PTPRB: variants seen among roughly 807,000 people sequenced by gnomAD.
PTPRB encodes the protein protein tyrosine phosphatase receptor type B, also known as receptor-type tyrosine-protein phosphatase beta.
PTPRB carries 97 observed loss-of-function variants against 238.1 expected under a neutral mutation model. The ratio of observed to expected loss-of-function variants is 0.41; its 90% confidence interval spans 0.35 to 0.48. The LOEUF (loss-of-function observed/expected upper bound fraction) is 0.48. Among genes scored for constraint, PTPRB ranks in the 20% least tolerant of loss-of-function variants. The probability of loss-of-function intolerance (pLI) is 0.30; values close to 1 mark genes in which losing one functional copy is unlikely to be tolerated. For synonymous variants in PTPRB, 970 were observed against 995.4 expected (o/e 0.97, Z 0.48); for missense variants, 2,292 against 2,681.9 (o/e 0.85, Z 3.21).
At chr12:70,602,085 G>A (rs554513601) in intron 4 of PTPRB, among the ~76,000 whole-genome samples, 14 of 152,154 alleles carry the variant, frequency 9.2e-5, no homozygotes, top group African/African-American at 1.7e-4. Flanking sequence ...GTGAGCCACC[G>A]CATCTAGCTG....
At chr12:70,634,788 T>C (rs541693877) in intron 2 of PTPRB, among the ~76,000 whole-genome samples, 1 of 152,230 alleles carries the variant, frequency 6.6e-6, no homozygotes. Flanking sequence ...GAAAAATTTG[T>C]CTTCTTAGTG....
At chr12:70,619,085 A>G (rs1050894500) in intron 3 of PTPRB, among the ~76,000 whole-genome samples, 1 of 151,876 alleles carries the variant, frequency 6.6e-6, no homozygotes, top group African/African-American at 2.4e-5. Context: ...ATTTCAAATC[A>G]TGTCCTCCTT....
At chr12:70,589,883 A>T in intron 8 of PTPRB, 81 bp downstream of exon 8, 1 of 1,341,500 alleles carries the variant, frequency 7.5e-7, no homozygotes, top group Non-Finnish European at 1.0e-6. Flanking sequence ...TGATATTAGC[A>T]GTTACGGCAG....
Position 70,592,402 on chromosome 12 carries a change from A to G in PTPRB, c.1660T>C (p.Leu554=). The G allele has an allele frequency of 1.9e-6, 3 of 1,613,874 alleles. No individual in the cohort carries two copies. The highest frequency in any genetic ancestry group is 2.5e-6 in the Non-Finnish European group (3 of 1,179,796). The change falls in exon 7 of 34, where the codon TTA becomes CTA. Residue 554 remains leucine (L), a synonymous_variant. Transcript: ENST00000334414. Reference sequence around the variant, plus strand: ...TGAGTTTCAGTAATCCAAGGTGCTAATACTCTGGATTCCTTGATGGTCCCT... The same window carrying G: ...TGAGTTTCAGTAATCCAAGGTGCTAGTACTCTGGATTCCTTGATGGTCCCT... ...HKGTIKESRV[L]APWITETHFK... is the part of the protein sequence containing the mutation.
At chr12:70,571,706 G>T in intron 12 of PTPRB, 118 bp downstream of exon 12, 1 of 1,156,532 alleles carries the variant, frequency 8.6e-7, no homozygotes, top group Non-Finnish European at 1.2e-6. Context: ...AGCACCAAGT[G>T]AGACTTACTG....
chr12:70,556,592 A>G (rs570538392), intron 18 of PTPRB, among the ~76,000 whole-genome samples: 16 of 152,346 alleles, frequency 1.1e-4, no homozygotes, highest in Admixed American at 5.2e-4. Context: ...AACAGAAGAA[A>G]TATCTGAAAC....
At chr12:70,558,610 T>A (rs1878047043) in intron 18 of PTPRB, among the ~76,000 whole-genome samples, 1 of 152,194 alleles carries the variant, frequency 6.6e-6, no homozygotes. Flanking sequence ...CGAAGTATTT[T>A]TATCTCAGGG....
At chr12:70,615,316 A>G (rs1884628428) in intron 3 of PTPRB, among the ~76,000 whole-genome samples, 1 of 152,116 alleles carries the variant, frequency 6.6e-6, no homozygotes, top group African/African-American at 2.4e-5. Context: ...ACCCAAAGAC[A>G]TTTAACAGCT....
Position 70,627,030 on chromosome 12 carries a change from A to T in PTPRB, c.452-4384T>A, listed in dbSNP as rs537597131. On this transcript the variant is annotated intron_variant, in intron 2 of 33. Transcript: ENST00000334414. ...TAAAACACTAAAGCATAGCACAGGG[A>T]ATAAATTAGACTAAAAAAATAATTG... 7.9e-5 allele frequency among the ~76,000 whole-genome samples: 12 copies of T among 152,194 alleles called. No individual in the cohort carries two copies. The South Asian group carries it at 2.5e-3, about 32-fold the overall frequency.
chr12:70,593,053 AATTG>A (rs1882646243), intron 6 of PTPRB, among the ~76,000 whole-genome samples: 1 of 149,394 alleles, frequency 6.7e-6, no homozygotes, highest in Admixed American at 6.7e-5. Context: ...TAGATCGATC[AATTG>A]ATTGATTACA....
At chr12:70,630,473 G>A (rs1379482562) in intron 2 of PTPRB, among the ~76,000 whole-genome samples, 1 of 152,126 alleles carries the variant, frequency 6.6e-6, no homozygotes, top group Non-Finnish European at 1.5e-5. Flanking sequence ...TACTGAATGG[G>A]CAAAAACTGG....
At chr12:70,596,395 C>T in intron 4 of PTPRB, 68 bp from the exon 5 acceptor site, 1 of 1,300,122 alleles carries the variant, frequency 7.7e-7, no homozygotes, top group East Asian at 2.8e-5. Context: ...AAGAACATGG[C>T]TTGAAGACTT....
intron 13 of PTPRB, 157 bp downstream of exon 13, chr12:70,570,869 C>T (rs753188450): frequency 2.5e-5 from 20 of 803,392 alleles, no homozygotes; most frequent in Non-Finnish European, 3.5e-5. Flanking sequence ...TTCATTCATC[C>T]AGGTTGGACA....
At chr12:70,529,276 T>G (rs1321068514) in intron 32 of PTPRB, among the ~76,000 whole-genome samples, 3 of 152,174 alleles carry the variant, frequency 2.0e-5, no homozygotes, top group Non-Finnish European at 4.4e-5. Flanking sequence ...GCCAGTGATA[T>G]TGACAGTAGA....
In PTPRB at chr12:70,519,276, T is replaced by C. The variant is rs961505974; in HGVS notation, c.*2213A>G. The C allele has an allele frequency of 6.6e-6, 1 of 152,208 alleles. No homozygotes were observed. The highest frequency in any genetic ancestry group is 2.4e-5 in the African/African-American group (1 of 41,452). The allele number at this position is 152,208 out of a possible 1,614,324, so 9.4% of individuals were successfully genotyped here. A position where few individuals can be genotyped will look rare whatever the true frequency, so the allele number is the denominator to read the frequency against. ...TGGTTTTAACTCCTGGTTTGTGCAA[T>C]TAATTGCTCTCTCTCCTAGATCCAG... On this transcript the variant is annotated 3_prime_UTR_variant, in exon 34 of 34. Coordinates refer to ENST00000334414, the MANE Select transcript of PTPRB (RefSeq NM_001109754.4).
rs995901035 is a variant in PTPRB, at chr12:70,517,601, C to G, written c.*3888G>C. The G allele has an allele frequency of 6.6e-6, 1 of 152,202 alleles. No homozygotes were observed. The highest frequency in any genetic ancestry group is 1.5e-5 in the Non-Finnish European group (1 of 68,042). The allele number at this position is 152,202 out of a possible 1,614,324, so 9.4% of individuals were successfully genotyped here. ...GAGGATCAGTTATTCCTTATTGCCA[C>G]TCTGTCTTGGCTAATCAGTTATATT... On this transcript the variant is annotated 3_prime_UTR_variant, in exon 34 of 34. Transcript: ENST00000334414.
intron 4 of PTPRB, among the ~76,000 whole-genome samples, chr12:70,607,489 G>A (rs553054540): frequency 6.6e-6 from 1 of 151,450 alleles, no homozygotes; most frequent in Non-Finnish European, 1.5e-5. Context: ...TTCTAATTAT[G>A]TGGTCTATTT....
intron 19 of PTPRB, among the ~76,000 whole-genome samples, chr12:70,555,571 A>G (rs1033775172): frequency 1.3e-5 from 2 of 152,210 alleles, no homozygotes; most frequent in Admixed American, 6.5e-5. Context: ...TGTAGCTTCA[A>G]ATTGCTTAAG....
At position 70,555,167 on chromosome 12, in the gene PTPRB, C is replaced by A; in HGVS notation, c.5136G>T (p.Glu1712Asp). Residue 1712 changes from glutamate to aspartate, a missense_variant, in exon 20 of 34, where the codon GAG becomes GAT. Coordinates refer to ENST00000334414, the MANE Select transcript of PTPRB (RefSeq NM_001109754.4). ...AVKYFTVVVR[E>D]ADGSDELKPE... ...TAACTCATGATAACTTACCATCAGC[C>A]TCTCTCACCACCACTGTGAAGTATT... 1.9e-6 allele frequency: 3 copies of A among 1,613,402 alleles called. No individual in the cohort carries two copies. The highest frequency in any genetic ancestry group is 2.5e-6 in the Non-Finnish European group (3 of 1,179,626).
Sources: allele counts gnomAD v4.1 joint callset (sites outside exome capture counted in the v4.1 genomes callset), GRCh38; gene constraint gnomAD v4.1.1; transcripts MANE v1.5; gene names NCBI Gene and HGNC (gene_info 2026-07-23, HGNC 2026-07-21).